CNGA2: variants seen among roughly 807,000 people sequenced by gnomAD.
CNGA2 encodes cyclic nucleotide-gated channel alpha-2.
A neutral mutation model predicts 35.9 loss-of-function variants in CNGA2; 22 were observed. That is an observed-to-expected ratio of 0.61 (90% confidence interval 0.44 to 0.88). The LOEUF is 0.88. Ranked by LOEUF, CNGA2 falls within the 40% of genes least tolerant of loss-of-function variation. The probability of loss-of-function intolerance (pLI) is 0.00; values close to 1 mark genes in which losing one functional copy is unlikely to be tolerated. For synonymous variants in CNGA2, 217 were observed against 209.2 expected (o/e 1.04, Z -0.32); for missense variants, 555 against 530.8 (o/e 1.05, Z -0.45).
chrX:151,741,824 C>T (rs1021502019), intron 5 of CNGA2, among the ~76,000 whole-genome samples: 2 of 112,128 alleles, frequency 1.8e-5, no homozygotes, highest in Non-Finnish European at 3.8e-5. Flanking sequence ...CCATCACTGG[C>T]ATGGGCCAGC....
chrX:151,741,451 G>T lies in CNGA2; in HGVS notation c.482+550G>T, dbSNP rs112980364. On this transcript the variant is annotated intron_variant, in intron 5 of 6. Transcript: ENST00000329903. ...TTGGCAGCATTCCCCATCCTACTCC[G>T]TCCCAATCCCAGTCATTCATTCAGC... Among the ~76,000 whole-genome samples, 469 of 111,705 alleles carry T rather than the reference G, an allele frequency of 4.2e-3. 1 individual carries two copies. The highest frequency in any genetic ancestry group is 0.013 in the African/African-American group (405 of 30,721).
Position 151,738,897 on chromosome X carries a change from C to T in CNGA2, c.203+18C>T, listed in dbSNP as rs749177363. 3.6e-6 allele frequency: 4 copies of T among 1,124,667 alleles called. No homozygotes were observed. The East Asian group carries it at 1.3e-4, about 37-fold the overall frequency. The allele number at this position is 1,124,667 out of a possible 1,213,427, so 92.7% of individuals were successfully genotyped here. A position where few individuals can be genotyped will look rare whatever the true frequency, so the allele number is the denominator to read the frequency against. On this transcript the variant is annotated intron_variant, in intron 3 of 6. Coordinates refer to ENST00000329903, the MANE Select transcript of CNGA2 (RefSeq NM_005140.3). Reference sequence around the variant, plus strand: ...TTCCGCAGGTGGGTCCCACCACTACCCTGCTGCTTCCCCTTCCTGTGCATG... The same window carrying T: ...TTCCGCAGGTGGGTCCCACCACTACTCTGCTGCTTCCCCTTCCTGTGCATG...
chrX:151,740,996 C>T lies in CNGA2; in HGVS notation c.482+95C>T, dbSNP rs148305668. ...AGCAGTCCCTGGATACCAATGGCAC[C>T]TCCAACTTCTCTGTTAACCCCAACC... On this transcript the variant is annotated intron_variant, in intron 5 of 6. Transcript: ENST00000329903. 1,241 of 591,055 alleles carry T rather than the reference C, an allele frequency of 2.1e-3. 15 individuals carry two copies. In the African/African-American group the frequency reaches 0.023, roughly 11 times the overall value. 48.7% of individuals were successfully genotyped at this position (591,055 alleles called of 1,213,427 possible). A position where few individuals can be genotyped will look rare whatever the true frequency, so the allele number is the denominator to read the frequency against.
In CNGA2 at chrX:151,739,646, G is replaced by A. The variant is rs775974192; in HGVS notation, c.288G>A (p.Glu96=). The change falls in exon 4 of 7, where the codon GAG becomes GAA. Residue 96 remains glutamate, a synonymous_variant. Transcript: ENST00000329903. ...EEEPRPDSFL[E]RFRGPELQTV... Reference sequence around the variant, plus strand: ...AACCTAGGCCTGACTCATTCCTCGAGCGTTTTCGTGGGCCTGAACTCCAGA... The same window carrying A: ...AACCTAGGCCTGACTCATTCCTCGAACGTTTTCGTGGGCCTGAACTCCAGA... The A allele has an allele frequency of 1.7e-5, 20 of 1,209,870 alleles. No homozygotes were observed. Among genetic ancestry groups the A allele is most frequent in the Non-Finnish European group, 2.1e-5 (19 of 895,208 alleles).
At chrX:151,742,193 T>C (rs904176377) in intron 5 of CNGA2, among the ~76,000 whole-genome samples, 1 of 112,371 alleles carries the variant, frequency 8.9e-6, no homozygotes, top group African/African-American at 3.2e-5. Flanking sequence ...GTTCATTCAT[T>C]CAACTCACAG....
At chrX:151,739,776 G>C in intron 4 of CNGA2, 44 bp downstream of exon 4, 1 of 1,173,807 alleles carries the variant, frequency 8.5e-7, no homozygotes, top group Non-Finnish European at 1.2e-6. Flanking sequence ...CTTTAAGCAT[G>C]CAATGGAAGA....
At chrX:151,743,067 G>T (rs2015333053) in intron 6 of CNGA2, 26 bp from the exon 7 acceptor site, 1 of 917,620 alleles carries the variant, frequency 1.1e-6, no homozygotes. Context: ...GGGCAGAGAT[G>T]ACATGCTGGC....
At chrX:151,739,458 CCTT>C (rs1300693709) in intron 3 of CNGA2, 101 bp from the exon 4 acceptor site, 5 of 895,368 alleles carry the variant, frequency 5.6e-6, no homozygotes, top group Admixed American at 3.2e-5. Flanking sequence ...GTTTCACTGT[CCTT>C]CTTTCATCTT....
Position 151,741,623 on chromosome X carries a change from G to T in CNGA2, c.482+722G>T, listed in dbSNP as rs143966490. On this transcript the variant is annotated intron_variant, in intron 5 of 6. Coordinates refer to ENST00000329903, the MANE Select transcript of CNGA2 (RefSeq NM_005140.3). ...AAATGAAACAAATGACCAGAATGAT[G>T]CCAGGGCCTGGTGGCTAGAGAAAGG... Among the ~76,000 whole-genome samples the T allele has an allele frequency of 3.6e-5, 4 of 112,533 alleles. No homozygotes were observed. The East Asian group carries it at 1.1e-3, about 31-fold the overall frequency.
In CNGA2 at chrX:151,742,392, T is replaced by C. The variant is rs780271615; in HGVS notation, c.483-144T>C. On this transcript the variant is annotated intron_variant, in intron 5 of 6. Coordinates refer to ENST00000329903, the MANE Select transcript of CNGA2 (RefSeq NM_005140.3). The stretch of plus-strand genomic sequence containing the variant: ...GGGGCAGAAGTTACTTGTAGATAAA[T>C]ATCTCTTGGCATCAGGCTGACTGTG... The C allele has an allele frequency of 2.9e-5, 13 of 448,961 alleles. No homozygotes were observed. The East Asian group carries it at 4.8e-4, about 16-fold the overall frequency. The allele number at this position is 448,961 out of a possible 1,213,427, so 37.0% of individuals were successfully genotyped here. A position where few individuals can be genotyped will look rare whatever the true frequency, so the allele number is the denominator to read the frequency against.
intron 5 of CNGA2, 111 bp from the exon 6 acceptor site, chrX:151,742,425 G>A (rs2015313690): frequency 3.9e-6 from 2 of 512,656 alleles, no homozygotes; most frequent in Non-Finnish European, 6.7e-6. Flanking sequence ...GTGACTAAAT[G>A]ATGCCCCTGG....
Position 151,744,718 on chromosome X carries a change from G to A in CNGA2, c.*220G>A, listed in dbSNP as rs113307189. ...TACAGACTGCGTTGGCTGGGCTTCCGAGAGCTTCGGCCTGCCTAAGTCTGA... is the reference window on the plus strand; with the variant it reads ...TACAGACTGCGTTGGCTGGGCTTCCAAGAGCTTCGGCCTGCCTAAGTCTGA... On this transcript the variant is annotated 3_prime_UTR_variant, in exon 7 of 7. Coordinates refer to ENST00000329903, the MANE Select transcript of CNGA2 (RefSeq NM_005140.3). 15 of 338,697 alleles carry A rather than the reference G, an allele frequency of 4.4e-5. No individual in the cohort carries two copies. The highest frequency in any genetic ancestry group is 1.7e-4 in the East Asian group (4 of 23,877). 27.9% of individuals were successfully genotyped at this position (338,697 alleles called of 1,213,427 possible).
In CNGA2 at chrX:151,738,818, T is replaced by G; in HGVS notation, c.142T>G (p.Ser48Ala). The G allele has an allele frequency of 8.5e-7, 1 of 1,178,345 alleles. No homozygotes were observed. The highest frequency in any genetic ancestry group is 1.7e-5 in the African/African-American group (1 of 57,266). ...CTCTGCAGCTGACGATGACACCTCC[T>G]CAGAACTGCAGAGGCTGGCAGACGT... ...PHSAADDDTSSELQRLADVDA... is the reference protein window; with the variant it reads ...PHSAADDDTSAELQRLADVDA... The change falls in exon 3 of 7, where the codon TCA becomes GCA. Residue 48 changes from serine to alanine, a missense_variant. By Grantham distance (99) the Ser-to-Ala change is moderately conservative (BLOSUM62 1). Coordinates refer to ENST00000329903, the MANE Select transcript of CNGA2 (RefSeq NM_005140.3).
rs963216413 is a variant in CNGA2, at chrX:151,742,575, G to A, written c.522G>A (p.Val174=). ...ACCTACAGAAAGGCTACTACCTGGT[G>A]TGGCTGGTGCTGGATTATGTCTCAG... is the stretch of plus-strand genomic sequence containing the variant. ...FSDLQKGYYL[V]WLVLDYVSDV... Residue 174 remains valine (V), a synonymous_variant, in exon 6 of 7, where the codon GTG becomes GTA. Transcript: ENST00000329903. The A allele has an allele frequency of 1.2e-5, 15 of 1,208,322 alleles. No homozygotes were observed. Among genetic ancestry groups the A allele is most frequent in the African/African-American group, 1.8e-5 (1 of 56,695 alleles).
In CNGA2 at chrX:151,744,901, A is replaced by G. The variant is rs138480757; in HGVS notation, c.*403A>G. The G allele has an allele frequency of 4.8e-3, 677 of 142,108 alleles. No individual in the cohort carries two copies. The highest frequency in any genetic ancestry group is 0.012 in the Middle Eastern group (4 of 325). 11.7% of individuals were successfully genotyped at this position (142,108 alleles called of 1,213,427 possible). A position where few individuals can be genotyped will look rare whatever the true frequency, so the allele number is the denominator to read the frequency against. ...CTTCGAGCACCGACTATAGACATTTAGATCAGGTACCCAGTGTCTGTCTCC... is the reference window on the plus strand; with the variant it reads ...CTTCGAGCACCGACTATAGACATTTGGATCAGGTACCCAGTGTCTGTCTCC... On this transcript the variant is annotated 3_prime_UTR_variant, in exon 7 of 7. Coordinates refer to ENST00000329903, the MANE Select transcript of CNGA2 (RefSeq NM_005140.3).
rs139547840 is a variant in CNGA2 at position 151,738,875 on chromosome X, C to T, written c.199C>T (p.Arg67Cys). 3.8e-5 allele frequency: 44 copies of T among 1,163,326 alleles called. No homozygotes were observed. Among genetic ancestry groups the T allele is most frequent in the South Asian group, 5.8e-5 (3 of 51,746 alleles). The stretch of plus-strand genomic sequence containing the variant: ...CCCACAGCAGGGAAGGAGTGGCTTC[C>T]GCAGGTGGGTCCCACCACTACCCTG... ...DAPQQGRSGF[R>C]RIVRLVGIIR... is the part of the protein sequence containing the mutation. The change falls in exon 3 of 7, where the codon CGC becomes TGC. Residue 67 changes from arginine (R) to cysteine (C), a missense_variant. Transcript: ENST00000329903.
chrX:151,735,400 C>A (rs1259441055), intron 1 of CNGA2, among the ~76,000 whole-genome samples: 1 of 111,836 alleles, frequency 8.9e-6, no homozygotes, highest in African/African-American at 3.3e-5. Context: ...AACGTTCTGG[C>A]CTCCAAAGTC....
At chrX:151,741,320 T>C (rs1275246305) in intron 5 of CNGA2, among the ~76,000 whole-genome samples, 1 of 112,037 alleles carries the variant, frequency 8.9e-6, no homozygotes, top group Non-Finnish European at 1.9e-5. Context: ...GATCAGAACA[T>C]GCTGTTTCCT....
chrX:151,735,632 T>G (rs980238716), intron 1 of CNGA2, among the ~76,000 whole-genome samples: 2 of 111,155 alleles, frequency 1.8e-5, no homozygotes, highest in Non-Finnish European at 3.8e-5. Flanking sequence ...TCAACTGGAG[T>G]GGCTCACAAG....
Sources: allele counts gnomAD v4.1 joint callset (sites outside exome capture counted in the v4.1 genomes callset), GRCh38; gene constraint gnomAD v4.1.1; transcripts MANE v1.5; gene names NCBI Gene and HGNC (gene_info 2026-07-23, HGNC 2026-07-21).